Variants in WDFY4 observed in about 807,000 individuals in gnomAD.
The protein encoded by WDFY4 is WD repeat- and FYVE domain-containing protein 4.
Under a neutral mutation model 351.9 loss-of-function variants are expected in WDFY4, and 169 were observed. The observed-to-expected ratio is 0.48, with a 90% CI of 0.42 to 0.55. The LOEUF (loss-of-function observed/expected upper bound fraction) is 0.55, where lower values mean the gene tolerates loss of function less well. Among genes scored for constraint, WDFY4 ranks in the 20% least tolerant of loss-of-function variants. WDFY4 has a pLI of 0.00. For missense variants in WDFY4, 3,803 were observed against 3,935.6 expected (o/e 0.97, Z 0.90); for synonymous variants, 1,622 against 1,574.6 (o/e 1.03, Z -0.71).
chr10:48,732,080 C>T (rs1431773289), intron 9 of WDFY4, among the ~76,000 whole-genome samples: 1 of 152,138 alleles, frequency 6.6e-6, no homozygotes, highest in Non-Finnish European at 1.5e-5. Context: ...GGCAACATTC[C>T]CTTGCCCCTA....
In WDFY4 at chr10:48,959,737, G is replaced by A; in HGVS notation, c.8147G>A (p.Gly2716Glu). The A allele has an allele frequency of 6.4e-7, 1 of 1,551,636 alleles. No individual in the cohort carries two copies. The highest frequency in any genetic ancestry group is 1.2e-5 in the South Asian group (1 of 84,064). The change falls in exon 53 of 62, where the codon GGG (glycine) becomes GAG (glutamate). Residue 2716 changes from glycine to glutamate, a missense_variant. Physicochemically the swap from Gly to Glu is moderately conservative, Grantham distance 98. Around this residue, in one of 3 missense-constraint regions of WDFY4, gnomAD observed 3,054 missense variants for 3,148.6 expected, o/e 0.97. Transcript: ENST00000325239. Reference sequence around the variant, plus strand: ...TCCCATGCAGGCTGCATGCAGGACGGGACTGTGCTAGGAGACGTGCAGCTC... The same window carrying A: ...TCCCATGCAGGCTGCATGCAGGACGAGACTGTGCTAGGAGACGTGCAGCTC... ...NGVEFGCMQD[G>E]TVLGDVQLPP...
intron 6 of WDFY4, among the ~76,000 whole-genome samples, chr10:48,726,511 C>T (rs1229615218): frequency 1.3e-5 from 2 of 152,178 alleles, no homozygotes; most frequent in African/African-American, 4.8e-5. Context: ...CTTAAAGATG[C>T]CTGATTCCGG....
At chr10:48,908,846 C>T (rs927355215) in intron 47 of WDFY4, among the ~76,000 whole-genome samples, 8 of 152,146 alleles carry the variant, frequency 5.3e-5, no homozygotes, top group African/African-American at 1.4e-4. Flanking sequence ...CCACCACAAT[C>T]GACATACACA....
At chr10:48,748,512 A>G (rs764205903) in intron 12 of WDFY4, among the ~76,000 whole-genome samples, 3 of 152,116 alleles carry the variant, frequency 2.0e-5, no homozygotes, top group East Asian at 3.8e-4. Context: ...CCACAATAAT[A>G]GTGATAGTTT....
intron 51 of WDFY4, among the ~76,000 whole-genome samples, chr10:48,947,973 A>G (rs1356248491): frequency 2.0e-5 from 3 of 152,126 alleles, no homozygotes; most frequent in Admixed American, 6.5e-5. Context: ...TATCCCAAGA[A>G]CTGTGAGTTT....
chr10:48,729,644 G>A, intron 8 of WDFY4, 55 bp downstream of exon 8: 1 of 1,533,086 alleles, frequency 6.5e-7, no homozygotes, highest in Non-Finnish European at 8.8e-7. Context: ...GCCCTGAGAA[G>A]GCTACAGAGG....
At chr10:48,811,907 C>T (rs1242891638) in intron 30 of WDFY4, among the ~76,000 whole-genome samples, 199 bp downstream of exon 30, 11 of 152,158 alleles carry the variant, frequency 7.2e-5, no homozygotes, top group South Asian at 2.1e-4. Flanking sequence ...TTGACTTCCT[C>T]GGCCTCTGCT....
At chr10:48,715,347 C>G (rs1375181885) in intron 2 of WDFY4, among the ~76,000 whole-genome samples, 2 of 152,208 alleles carry the variant, frequency 1.3e-5, no homozygotes, top group South Asian at 2.1e-4. Context: ...CAACAGGTAA[C>G]TGGAAAAGTG....
chr10:48,938,211 G>A (rs1840515420), intron 47 of WDFY4, among the ~76,000 whole-genome samples: 1 of 152,234 alleles, frequency 6.6e-6, no homozygotes, highest in Admixed American at 6.5e-5. Context: ...CACAACATGG[G>A]AGAATTTGGA....
At chr10:48,958,580 T>A (rs1424698478) in intron 52 of WDFY4, among the ~76,000 whole-genome samples, 1 of 152,172 alleles carries the variant, frequency 6.6e-6, no homozygotes, top group Admixed American at 6.5e-5. Flanking sequence ...AAGTGGTTAT[T>A]GAGCACCTAC....
intron 37 of WDFY4, among the ~76,000 whole-genome samples, chr10:48,829,998 G>A (rs568805159): frequency 3.3e-5 from 5 of 152,312 alleles, no homozygotes; most frequent in South Asian, 4.1e-4. Context: ...AGTAGAGCTG[G>A]GCTGGGCACT....
chr10:48,871,257 A>G (rs1014611482), intron 40 of WDFY4, among the ~76,000 whole-genome samples: 1 of 152,086 alleles, frequency 6.6e-6, no homozygotes, highest in African/African-American at 2.4e-5. Flanking sequence ...TTAAAAAACT[A>G]ATTTGAAGCT....
At chr10:48,926,556 C>A (rs1404113495) in intron 47 of WDFY4, among the ~76,000 whole-genome samples, 1 of 152,158 alleles carries the variant, frequency 6.6e-6, no homozygotes, top group Non-Finnish European at 1.5e-5. Flanking sequence ...TTTGGAGGAA[C>A]TGACCACAGG....
At chr10:48,817,442 C>T in intron 32 of WDFY4, 33 bp downstream of exon 32, 1 of 1,517,666 alleles carries the variant, frequency 6.6e-7, no homozygotes, top group Non-Finnish European at 8.9e-7. Context: ...CCAGAGAGAG[C>T]AGTTGTGAGC....
At chr10:48,954,969 A>G (rs1313286752) in intron 51 of WDFY4, among the ~76,000 whole-genome samples, 1 of 152,192 alleles carries the variant, frequency 6.6e-6, no homozygotes, top group African/African-American at 2.4e-5. Context: ...TTTCGTATGT[A>G]TATATTATTT....
intron 19 of WDFY4, among the ~76,000 whole-genome samples, chr10:48,780,340 C>T (rs746669680): frequency 6.6e-6 from 1 of 152,184 alleles, no homozygotes; most frequent in Non-Finnish European, 1.5e-5. Context: ...GTCACGCTAC[C>T]AGGGCAGAAG....
At chr10:48,829,030 A>G (rs753120317) in intron 37 of WDFY4, 134 bp downstream of exon 37, 3 of 596,368 alleles carry the variant, frequency 5.0e-6, no homozygotes, top group Non-Finnish European at 8.6e-6. Flanking sequence ...ACTATTAAGG[A>G]CATTTTCAAA....
chr10:48,770,941 C>T (rs1047005144), intron 13 of WDFY4, among the ~76,000 whole-genome samples: 2 of 152,190 alleles, frequency 1.3e-5, no homozygotes, highest in African/African-American at 4.8e-5. Context: ...CAAAATGCAG[C>T]CTGGGAAGGA....
Position 48,975,056 on chromosome 10 carries a change from T to G in WDFY4, c.9108+15T>G. The stretch of plus-strand genomic sequence containing the variant: ...GTGACGTCTCAGTAAGTCTCCTGTT[T>G]CTCAGTGTCCGTGTCCTCACCTTCG... On this transcript the variant is annotated intron_variant, in intron 58 of 61. Transcript: ENST00000325239. 1.3e-6 allele frequency: 2 copies of G among 1,551,726 alleles called. No homozygotes were observed. Among genetic ancestry groups the G allele is most frequent in the Non-Finnish European group, 1.7e-6 (2 of 1,147,004 alleles).
Sources: gnomAD v4.1 joint callset for allele counts (sites outside exome capture counted in the v4.1 genomes callset) on GRCh38, gnomAD v4.1.1 for gene constraint, gnomAD v4.1.1 regional missense constraint, MANE v1.5 for transcripts, NCBI Gene and HGNC (gene_info 2026-07-23, HGNC 2026-07-21) for gene names.